Variants in EME2 observed in about 807,000 individuals in gnomAD.
EME2 encodes the protein structure-specific endonuclease subunit EME2.
A neutral mutation model predicts 41.9 loss-of-function variants in EME2; 58 were observed. The observed-to-expected ratio is 1.38, with a 90% CI of 1.12 to 1.72. EME2 has a LOEUF of 1.72. Among genes scored for constraint, EME2 ranks in the 40% most tolerant of loss-of-function variants. The pLI is 0.00. For synonymous variants in EME2, 334 were observed against 239.3 expected (o/e 1.40, Z -3.65); for missense variants, 695 against 541.9 (o/e 1.28, Z -2.81).
At position 1,776,195 on chromosome 16, in the gene EME2, T is replaced by G; in HGVS notation, c.1097T>G (p.Leu366Arg). The stretch of plus-strand genomic sequence containing the variant: ...CTCTCCCGCCGCATCTGCCTCTTCC[T>G]GACCACAGCCAACCCTGATCTCCTG... ...PDLSRRICLF[L>R]TTANPDLLLD... Residue 366 changes from leucine (L) to arginine (R), a missense_variant, in exon 8 of 8, where the codon CTG (leucine) becomes CGG (arginine). Transcript: ENST00000568449. 1 of 1,612,626 alleles carries G rather than the reference T, an allele frequency of 6.2e-7. No individual in the cohort carries two copies.
chr16:1,773,344 G>A lies in EME2; in HGVS notation c.117G>A (p.Glu39=). Residue 39 remains glutamate, a synonymous_variant, in exon 1 of 8, where the codon GAG becomes GAA. Transcript: ENST00000568449. ...PTWEISDSDA[E]DSAGSEAAAR... ...GGGAGATCTCAGACTCCGACGCTGA[G>A]GACTCCGCCGGCTCGGAGGCCGCCG... is the stretch of plus-strand genomic sequence containing the variant. 6.6e-6 allele frequency: 10 copies of A among 1,519,678 alleles called. No homozygotes were observed. The highest frequency in any genetic ancestry group is 2.5e-5 in the East Asian group (1 of 39,858). 94.1% of individuals were successfully genotyped at this position (1,519,678 alleles called of 1,614,324 possible). A position where few individuals can be genotyped will look rare whatever the true frequency, so the allele number is the denominator to read the frequency against.
Position 1,781,269 on chromosome 16 carries a change from G to C in EME2, c.*5031G>C, listed in dbSNP as rs1322728539. On this transcript the variant is annotated 3_prime_UTR_variant, in exon 8 of 8. Transcript: ENST00000568449. ...CTCAGAAGCATCTTTTTCTCCGACT[G>C]ATTCCGTGTTCAGGTAATGTCTGCC... 1 of 1,610,174 alleles carries C rather than the reference G, an allele frequency of 6.2e-7. No homozygotes were observed. Among genetic ancestry groups the C allele is most frequent in the Non-Finnish European group, 8.5e-7 (1 of 1,179,802 alleles).
At position 1,773,055 on chromosome 16, in the gene EME2, C is replaced by T. The variant is rs1308290832; in HGVS notation, c.-173C>T. 3 of 1,421,152 alleles carry T rather than the reference C, an allele frequency of 2.1e-6. No homozygotes were observed. Among genetic ancestry groups the T allele is most frequent in the Admixed American group, 3.2e-5 (1 of 31,736 alleles). 88.0% of individuals were successfully genotyped at this position (1,421,152 alleles called of 1,614,324 possible). A position where few individuals can be genotyped will look rare whatever the true frequency, so the allele number is the denominator to read the frequency against. ...GTCGCGCGGCCTGTTCAGTTGCTCCCGCAGGGCGCGCACGCGGCGGGCCAG... is the reference window on the plus strand; with the variant it reads ...GTCGCGCGGCCTGTTCAGTTGCTCCTGCAGGGCGCGCACGCGGCGGGCCAG... On this transcript the variant is annotated 5_prime_UTR_variant, in exon 1 of 8. Transcript: ENST00000568449.
At chr16:1,773,511 A>C in intron 1 of EME2, 37 bp downstream of exon 1, 1 of 1,567,126 alleles carries the variant, frequency 6.4e-7, no homozygotes, top group Non-Finnish European at 8.6e-7. Flanking sequence ...CGGGGTAGGA[A>C]AGGCCTTTCT....
rs1596844143 is a variant in EME2 at position 1,772,894 on chromosome 16, G to A, written c.-334G>A. On this transcript the variant is annotated 5_prime_UTR_variant, in exon 1 of 8. Transcript: ENST00000568449. ...GACTTGCGCGTGACCAGGCGGCCCA[G>A]GCCGAAGAGCGGGAGGCGGCCGAGC... 9 of 1,453,660 alleles carry A rather than the reference G, an allele frequency of 6.2e-6. No individual in the cohort carries two copies. In the South Asian group the frequency reaches 1.2e-4, roughly 20 times the overall value. The allele number at this position is 1,453,660 out of a possible 1,614,324, so 90.0% of individuals were successfully genotyped here.
Position 1,781,692 on chromosome 16 carries a change from G to A in EME2, c.*5454G>A, listed in dbSNP as rs1478298673. On this transcript the variant is annotated 3_prime_UTR_variant, in exon 8 of 8. Coordinates refer to ENST00000568449, the MANE Select transcript of EME2 (RefSeq NM_001257370.2). Reference sequence around the variant, plus strand: ...GCTCAATAAAACCCAGGTAGATCCTGTGAAACGCCACCCAGACACCCATGA... The same window carrying A: ...GCTCAATAAAACCCAGGTAGATCCTATGAAACGCCACCCAGACACCCATGA... 1.5e-5 allele frequency: 9 copies of A among 590,820 alleles called. No homozygotes were observed. Among genetic ancestry groups the A allele is most frequent in the South Asian group, 1.5e-4 (7 of 47,436 alleles). 36.6% of individuals were successfully genotyped at this position (590,820 alleles called of 1,614,324 possible).
rs1323026203 is a variant in EME2, at chr16:1,780,447, GGCAGGTA to G, written c.*4212_*4218del. On this transcript the variant is annotated 3_prime_UTR_variant, in exon 8 of 8. Coordinates refer to ENST00000568449, the MANE Select transcript of EME2 (RefSeq NM_001257370.2). ...CAAGGTGGGGGTCAGGGGCCATGGGGGCAGGTAGCTCTGCCTGCAAAGCCCACAAGCA... is the reference window on the plus strand; with the variant it reads ...CAAGGTGGGGGTCAGGGGCCATGGGGGCTCTGCCTGCAAAGCCCACAAGCA... The G allele has an allele frequency of 6.6e-6, 1 of 152,510 alleles. No homozygotes were observed. The highest frequency in any genetic ancestry group is 1.5e-5 in the Non-Finnish European group (1 of 68,244). 9.4% of individuals were successfully genotyped at this position (152,510 alleles called of 1,614,324 possible).
At chr16:1,773,940 G>A (rs945854436) in intron 2 of EME2, 99 bp downstream of exon 2, 1 of 1,392,296 alleles carries the variant, frequency 7.2e-7, no homozygotes, top group Non-Finnish European at 9.5e-7. Flanking sequence ...GCCCTGGGCC[G>A]TGCGCGTCTC....
In EME2 at chr16:1,777,500, G is replaced by A. The variant is rs1279738598; in HGVS notation, c.*1262G>A. ...GCAGGGAAGGGGCCAGCTACTGGGC[G>A]CAGCCCCTCAGACCTCACGCTACAG... On this transcript the variant is annotated 3_prime_UTR_variant, in exon 8 of 8. Transcript: ENST00000568449. The A allele has an allele frequency of 7.0e-6, 10 of 1,435,656 alleles. No individual in the cohort carries two copies. Among genetic ancestry groups the A allele is most frequent in the Admixed American group, 2.5e-5 (1 of 39,974 alleles). The allele number at this position is 1,435,656 out of a possible 1,614,324, so 88.9% of individuals were successfully genotyped here.
rs1567227562 is a variant in EME2, at chr16:1,775,074, T to TC, written c.516dup (p.Glu173ArgfsTer137). 1 of 1,610,158 alleles carries TC rather than the reference T, an allele frequency of 6.2e-7. No individual in the cohort carries two copies. Among genetic ancestry groups the TC allele is most frequent in the Non-Finnish European group, 8.5e-7 (1 of 1,179,862 alleles). On this transcript the variant is annotated frameshift_variant, in exon 4 of 8. Transcript: ENST00000568449. LOFTEE classifies it high-confidence loss of function. ...CCCAACCCACTGGGTGCCCTGGATC[T>TC]CCCCCGAGACCACCGCCCGGCCCCA...
chr16:1,780,801 C>G lies in EME2; in HGVS notation c.*4563C>G. On this transcript the variant is annotated 3_prime_UTR_variant, in exon 8 of 8. Transcript: ENST00000568449. ...AGGCTGGAACGCACTGGTGTGATCA[C>G]GGCTCACTGCAGCCTTGACCTCCCT... 4.0e-6 allele frequency: 1 copy of G among 253,092 alleles called. No homozygotes were observed. The highest frequency in any genetic ancestry group is 7.9e-6 in the Non-Finnish European group (1 of 127,122). 15.7% of individuals were successfully genotyped at this position (253,092 alleles called of 1,614,324 possible).
intron 7 of EME2, 22 bp downstream of exon 7, chr16:1,776,008 G>A (rs764710854): frequency 1.9e-6 from 3 of 1,606,918 alleles, no homozygotes; most frequent in South Asian, 2.2e-5. Context: ...CCTCCTCCAA[G>A]CCCTCCAGGT....
At position 1,772,911 on chromosome 16, in the gene EME2, C is replaced by T; in HGVS notation, c.-317C>T. On this transcript the variant is annotated 5_prime_UTR_variant, in exon 1 of 8. Transcript: ENST00000568449. Reference sequence around the variant, plus strand: ...GCGGCCCAGGCCGAAGAGCGGGAGGCGGCCGAGCAGCTGCAAGAGGCGGCT... The same window carrying T: ...GCGGCCCAGGCCGAAGAGCGGGAGGTGGCCGAGCAGCTGCAAGAGGCGGCT... The T allele has an allele frequency of 1.4e-6, 2 of 1,448,080 alleles. No homozygotes were observed. Among genetic ancestry groups the T allele is most frequent in the Non-Finnish European group, 9.0e-7 (1 of 1,107,022 alleles). 89.7% of individuals were successfully genotyped at this position (1,448,080 alleles called of 1,614,324 possible). A position where few individuals can be genotyped will look rare whatever the true frequency, so the allele number is the denominator to read the frequency against.
intron 1 of EME2, 98 bp from the exon 2 acceptor site, chr16:1,773,607 G>C: frequency 6.5e-7 from 1 of 1,535,266 alleles, no homozygotes; most frequent in Non-Finnish European, 8.8e-7. Context: ...TCGGGGGTTT[G>C]TGCCGAATGG....
intron 3 of EME2, 50 bp from the exon 4 acceptor site, chr16:1,774,991 A>AC (rs1307866037): frequency 2.7e-6 from 4 of 1,488,732 alleles, no homozygotes; most frequent in Non-Finnish European, 2.8e-6. Flanking sequence ...GCCCATGGCC[A>AC]TAGGCCGCAG....
chr16:1,781,303 T>C lies in EME2; in HGVS notation c.*5065T>C. The C allele has an allele frequency of 6.2e-7, 1 of 1,612,666 alleles. No individual in the cohort carries two copies. The highest frequency in any genetic ancestry group is 8.5e-7 in the Non-Finnish European group (1 of 1,179,958). On this transcript the variant is annotated 3_prime_UTR_variant, in exon 8 of 8. Coordinates refer to ENST00000568449, the MANE Select transcript of EME2 (RefSeq NM_001257370.2). ...TTCAGGTAATGTCTGCCTGCCTGCC[T>C]AGGGCATCTCCACACCTTAGGCCAG...
chr16:1,778,031 C>A lies in EME2; in HGVS notation c.*1793C>A. 1 of 1,613,226 alleles carries A rather than the reference C, an allele frequency of 6.2e-7. No individual in the cohort carries two copies. Among genetic ancestry groups the A allele is most frequent in the Non-Finnish European group, 8.5e-7 (1 of 1,180,002 alleles). On this transcript the variant is annotated 3_prime_UTR_variant, in exon 8 of 8. Coordinates refer to ENST00000568449, the MANE Select transcript of EME2 (RefSeq NM_001257370.2). ...GGTATTTGTCCAGGTCCACATCCGACGTCCCGATGCCCACCATCTAGGAAC... is the reference window on the plus strand; with the variant it reads ...GGTATTTGTCCAGGTCCACATCCGAAGTCCCGATGCCCACCATCTAGGAAC...
rs767649831 is a variant in EME2, at chr16:1,777,831, G to A, written c.*1593G>A. 9.9e-6 allele frequency: 16 copies of A among 1,612,744 alleles called. No homozygotes were observed. The highest frequency in any genetic ancestry group is 1.7e-4 in the Middle Eastern group (1 of 5,992). The stretch of plus-strand genomic sequence containing the variant: ...CCAATGATGGAGCCCTGGCCGAACC[G>A]CGATGAGAAGCTGGTCTTGTCGCCC... On this transcript the variant is annotated 3_prime_UTR_variant, in exon 8 of 8. Coordinates refer to ENST00000568449, the MANE Select transcript of EME2 (RefSeq NM_001257370.2).
At position 1,775,118 on chromosome 16, in the gene EME2, G is replaced by A. The variant is rs536679476; in HGVS notation, c.555G>A (p.Leu185=). 4 of 1,612,068 alleles carry A rather than the reference G, an allele frequency of 2.5e-6. No homozygotes were observed. The South Asian group carries it at 4.4e-5, about 18-fold the overall frequency. The change falls in exon 4 of 8, where the codon CTG becomes CTA. Residue 185 remains leucine, a synonymous_variant. Transcript: ENST00000568449. ...TARPHLAVIG[L]DAYLWSRQHV... is the part of the protein sequence containing the mutation. ...GGCCCCACCTGGCTGTCATCGGGCT[G>A]GATGCCTACCTGTGGTACCGCTCAC...
Sources: allele counts gnomAD v4.1 joint callset, GRCh38; gene constraint gnomAD v4.1.1; transcripts MANE v1.5; gene names NCBI Gene and HGNC (gene_info 2026-07-23, HGNC 2026-07-21).